MTSS1: variants seen among roughly 807,000 people sequenced by gnomAD.
The protein encoded by MTSS1 is MTSS I-BAR domain containing 1, also known as protein MTSS 1.
In MTSS1, 18 loss-of-function variants were observed where a neutral mutation model predicts 79.0. That is an observed-to-expected ratio of 0.23 (90% CI 0.16 to 0.34). The LOEUF (loss-of-function observed/expected upper bound fraction) is 0.34, where lower values mean the gene tolerates loss of function less well. Ranked by LOEUF, MTSS1 falls within the 10% of genes least tolerant of loss-of-function variation. MTSS1 has a pLI of 1.00. For missense variants in MTSS1, 815 were observed against 986.2 expected (o/e 0.83, Z 2.33); for synonymous variants, 341 against 368.6 (o/e 0.93, Z 0.86).
chr8:124,604,358 T>A (rs1834440405), intron 3 of MTSS1, among the ~76,000 whole-genome samples: 1 of 152,176 alleles, frequency 6.6e-6, no homozygotes, highest in Non-Finnish European at 1.5e-5. Flanking sequence ...CTAAATGTTC[T>A]TACAACAAAC....
intron 3 of MTSS1, among the ~76,000 whole-genome samples, chr8:124,605,882 AC>A (rs1351085131): frequency 6.6e-6 from 1 of 151,576 alleles, no homozygotes; most frequent in African/African-American, 2.4e-5. Flanking sequence ...AACATGACAA[AC>A]CCTTGCAGGA....
intron 3 of MTSS1, among the ~76,000 whole-genome samples, chr8:124,640,104 G>A (rs1254620154): frequency 6.6e-6 from 1 of 152,174 alleles, no homozygotes; most frequent in Non-Finnish European, 1.5e-5. Flanking sequence ...TTTTACAGAG[G>A]AGGAAACTGA....
intron 3 of MTSS1, among the ~76,000 whole-genome samples, chr8:124,640,324 T>C (rs1232920100): frequency 6.6e-6 from 1 of 152,246 alleles, no homozygotes; most frequent in African/African-American, 2.4e-5. Flanking sequence ...TAAAAAATTA[T>C]ACGCACACAC....
intron 3 of MTSS1, among the ~76,000 whole-genome samples, chr8:124,617,681 C>T (rs921689710): frequency 6.6e-6 from 1 of 152,182 alleles, no homozygotes; most frequent in Non-Finnish European, 1.5e-5. Flanking sequence ...TGCGAGCTCA[C>T]CTACCTGATC....
Position 124,555,860 on chromosome 8 carries a change from C to A in MTSS1, c.1449G>T (p.Leu483=). 1 of 1,611,688 alleles carries A rather than the reference C, an allele frequency of 6.2e-7. No individual in the cohort carries two copies. The highest frequency in any genetic ancestry group is 1.1e-5 in the South Asian group (1 of 91,064). The change falls in exon 13 of 14, where the codon CTG becomes CTT. Residue 483 remains leucine, a synonymous_variant. Coordinates refer to ENST00000518547, the MANE Select transcript of MTSS1 (RefSeq NM_014751.6). The part of the protein sequence containing the change: ...MEACEELALA[L]SRGLQLDTQR... ...GGGTGTCCAGCTGCAGGCCCCGAGA[C>A]AGGGCCAGGGCCAGCTCCTCACAAG...
chr8:124,558,819 G>C (rs1459404955), intron 10 of MTSS1: 2 of 1,562,506 alleles, frequency 1.3e-6, no homozygotes, highest in East Asian at 4.7e-5. Context: ...GGAGGAGGCC[G>C]AGCTGGACGA....
At chr8:124,662,230 G>C (rs997014964) in intron 3 of MTSS1, among the ~76,000 whole-genome samples, 5 of 152,094 alleles carry the variant, frequency 3.3e-5, no homozygotes, top group African/African-American at 1.2e-4. Flanking sequence ...CACTCAGGAA[G>C]ACCATAATCC....
intron 5 of MTSS1, among the ~76,000 whole-genome samples, chr8:124,587,547 G>A (rs750092899): frequency 1.3e-5 from 2 of 152,142 alleles, no homozygotes; most frequent in Non-Finnish European, 2.9e-5. Flanking sequence ...TGTCCAGGCT[G>A]GAGTGCAACA....
chr8:124,602,204 T>TACAC (rs1430392276), intron 3 of MTSS1, among the ~76,000 whole-genome samples: 1 of 144,076 alleles, frequency 6.9e-6, no homozygotes, highest in African/African-American at 2.7e-5. Context: ...TATATATATA[T>TACAC]ATAATTTTTT....
At chr8:124,632,388 C>T (rs771307935) in intron 3 of MTSS1, among the ~76,000 whole-genome samples, 1 of 151,606 alleles carries the variant, frequency 6.6e-6, no homozygotes, top group African/African-American at 2.4e-5. Flanking sequence ...GTGGCTCACA[C>T]CTATAATTCC....
rs2135476165 is a variant in MTSS1, at chr8:124,704,208, A to T, written c.73-17T>A. 6.2e-7 allele frequency: 1 copy of T among 1,612,334 alleles called. No individual in the cohort carries two copies. The highest frequency in any genetic ancestry group is 2.2e-5 in the East Asian group (1 of 44,878). On this transcript the variant is annotated splice_polypyrimidine_tract_variant and intron_variant, in intron 1 of 13. Coordinates refer to ENST00000518547, the MANE Select transcript of MTSS1 (RefSeq NM_014751.6). Reference sequence around the variant, plus strand: ...ATAGCTCCCCTGCAACACATCAAAGACATCAGTAAGTCACACTGCGATAGA... The same window carrying T: ...ATAGCTCCCCTGCAACACATCAAAGTCATCAGTAAGTCACACTGCGATAGA...
intron 1 of MTSS1, among the ~76,000 whole-genome samples, chr8:124,718,150 C>G (rs566451929): frequency 7.1e-6 from 1 of 140,686 alleles, no homozygotes; most frequent in Admixed American, 7.2e-5. Context: ...TTGTGGGTGA[C>G]TTATTTTTTA....
chr8:124,646,043 C>A (rs1361378101), intron 3 of MTSS1, among the ~76,000 whole-genome samples: 2 of 152,192 alleles, frequency 1.3e-5, no homozygotes, highest in Non-Finnish European at 2.9e-5. Context: ...ACTTTAAAAA[C>A]ACTTAATGGA....
At chr8:124,641,361 T>A (rs1818017949) in intron 3 of MTSS1, among the ~76,000 whole-genome samples, 1 of 152,218 alleles carries the variant, frequency 6.6e-6, no homozygotes, top group Non-Finnish European at 1.5e-5. Context: ...AATAAAAGGA[T>A]TGAGACACAA....
intron 5 of MTSS1, among the ~76,000 whole-genome samples, chr8:124,586,555 C>T (rs1034455055): frequency 3.3e-5 from 5 of 152,198 alleles, no homozygotes; most frequent in African/African-American, 7.2e-5. Context: ...CCCCAGGGGA[C>T]GCAGCAGTGC....
At chr8:124,583,398 G>C (rs545904397) in intron 6 of MTSS1, among the ~76,000 whole-genome samples, 2 of 152,338 alleles carry the variant, frequency 1.3e-5, no homozygotes, top group Admixed American at 1.3e-4. Context: ...GCCCGAGCCA[G>C]TGCTAGGAAG....
intron 6 of MTSS1, among the ~76,000 whole-genome samples, chr8:124,569,127 C>A (rs181402320): frequency 1.3e-5 from 2 of 152,052 alleles, no homozygotes; most frequent in Non-Finnish European, 2.9e-5. Flanking sequence ...TAGAACAAGC[C>A]CAGTAATAAC....
In MTSS1 at chr8:124,553,449, A is replaced by G. The variant is rs149463159; in HGVS notation, c.1811T>C (p.Ile604Thr). ...CTTGATGGGGATGGGACCAGCTCCA[A>G]TGGTTCCCCGGCGGACAGAAGGCTT... Reference protein sequence around the residue: ...STKPSVRRGTIGAGPIPIKTP... With the variant: ...STKPSVRRGTTGAGPIPIKTP... Residue 604 changes from isoleucine (I) to threonine (T), a missense_variant, in exon 14 of 14, where the codon ATT (isoleucine) becomes ACT (threonine). Ile to Thr is a moderately conservative substitution (Grantham distance 89). Coordinates refer to ENST00000518547, the MANE Select transcript of MTSS1 (RefSeq NM_014751.6). The surrounding 1 kb of genome is among the most constrained non-coding windows in gnomAD (Gnocchi z 6.0). 5.2e-4 allele frequency: 834 copies of G among 1,608,606 alleles called. 2 individuals are homozygous for G. Among genetic ancestry groups the G allele is most frequent in the South Asian group, 2.1e-3 (190 of 90,652 alleles).
At chr8:124,581,190 G>A (rs915322654) in intron 6 of MTSS1, among the ~76,000 whole-genome samples, 2 of 151,230 alleles carry the variant, frequency 1.3e-5, no homozygotes, top group African/African-American at 4.9e-5. Flanking sequence ...GCAGTGGTGT[G>A]TGCCTGTAAT....
Sources: allele counts gnomAD v4.1 joint callset (sites outside exome capture counted in the v4.1 genomes callset), GRCh38; gene constraint gnomAD v4.1.1; non-coding constraint Gnocchi (gnomAD v3.1); transcripts MANE v1.5; gene names NCBI Gene and HGNC (gene_info 2026-07-23, HGNC 2026-07-21).